TNFAIP8: variants seen among roughly 807,000 people sequenced by gnomAD.
The protein encoded by TNFAIP8 is TNF alpha induced protein 8.
Under a neutral mutation model 13.3 loss-of-function variants are expected in TNFAIP8, and 7 were observed. The observed-to-expected ratio is 0.52, with a 90% CI of 0.30 to 0.99. The LOEUF (loss-of-function observed/expected upper bound fraction) is 0.99, where lower values mean the gene tolerates loss of function less well. Among genes scored for constraint, TNFAIP8 ranks in the 50% least tolerant of loss-of-function variants. The pLI is 0.07. For missense variants in TNFAIP8, 258 were observed against 236.9 expected (o/e 1.09, Z -0.58); for synonymous variants, 94 against 87.6 (o/e 1.07, Z -0.41).
intron 1 of TNFAIP8, among the ~76,000 whole-genome samples, chr5:119,298,810 T>G (rs923439297): frequency 6.6e-6 from 1 of 152,118 alleles, no homozygotes; most frequent in African/African-American, 2.4e-5. Flanking sequence ...TCGTTTCTTT[T>G]TATTCTTTTT....
intron 1 of TNFAIP8, among the ~76,000 whole-genome samples, chr5:119,381,065 A>G (rs1056045323): frequency 2.0e-5 from 3 of 152,228 alleles, no homozygotes; most frequent in African/African-American, 7.2e-5. Context: ...TATCAGAATC[A>G]GGTAGGGTGC....
intron 1 of TNFAIP8, among the ~76,000 whole-genome samples, chr5:119,382,758 C>G (rs1752534297): frequency 6.6e-6 from 1 of 152,322 alleles, no homozygotes; most frequent in Admixed American, 6.5e-5. Flanking sequence ...GCCCCTGACC[C>G]AGTCTGACTC....
At chr5:119,331,862 G>A (rs1439748610) in intron 1 of TNFAIP8, among the ~76,000 whole-genome samples, 1 of 152,184 alleles carries the variant, frequency 6.6e-6, no homozygotes, top group Non-Finnish European at 1.5e-5. Flanking sequence ...TTTAGATGCA[G>A]TATTTCTGCT....
intron 1 of TNFAIP8, among the ~76,000 whole-genome samples, chr5:119,374,963 A>C (rs944886528): frequency 6.6e-6 from 1 of 152,218 alleles, no homozygotes; most frequent in African/African-American, 2.4e-5. Context: ...AGATAGTGGT[A>C]ATAGTTGCAC....
intron 1 of TNFAIP8, among the ~76,000 whole-genome samples, chr5:119,375,110 C>G (rs1201971015): frequency 6.6e-6 from 1 of 152,136 alleles, no homozygotes; most frequent in African/African-American, 2.4e-5. Flanking sequence ...AACATGTTGC[C>G]TGCCAAAAGT....
chr5:119,394,585 A>G lies in TNFAIP8; in HGVS notation c.*1204A>G, dbSNP rs1052952466. 7.0e-6 allele frequency: 1 copy of G among 142,676 alleles called. No homozygotes were observed. Among genetic ancestry groups the G allele is most frequent in the Non-Finnish European group, 1.5e-5 (1 of 67,002 alleles). 8.8% of individuals were successfully genotyped at this position (142,676 alleles called of 1,614,324 possible). On this transcript the variant is annotated 3_prime_UTR_variant, in exon 2 of 2. Transcript: ENST00000504771. ...TGACAGACCCAACCACCAGCAATAA[A>G]CATTTCCATTGTCACTGTGTCTATG...
chr5:119,393,439 T>C lies in TNFAIP8; in HGVS notation c.*58T>C. ...TTATTTGAAGATGGAGCACTGCTGATTTATGAAGGAAAAAAGAAGAATTTT... is the reference window on the plus strand; with the variant it reads ...TTATTTGAAGATGGAGCACTGCTGACTTATGAAGGAAAAAAGAAGAATTTT... On this transcript the variant is annotated 3_prime_UTR_variant, in exon 2 of 2. Transcript: ENST00000504771. The C allele has an allele frequency of 6.9e-7, 1 of 1,450,718 alleles. No homozygotes were observed. The highest frequency in any genetic ancestry group is 9.3e-7 in the Non-Finnish European group (1 of 1,071,018). The allele number at this position is 1,450,718 out of a possible 1,614,324, so 89.9% of individuals were successfully genotyped here.
At chr5:119,308,679 C>T (rs2012596) in intron 1 of TNFAIP8, among the ~76,000 whole-genome samples, 3,280 of 151,814 alleles carry the variant, frequency 0.022, 121 homozygotes, top group African/African-American at 0.076. Context: ...CCTTTCAGGA[C>T]GGTGAAACCC....
intron 1 of TNFAIP8, among the ~76,000 whole-genome samples, chr5:119,288,098 A>G (rs1187139445): frequency 6.6e-6 from 1 of 152,154 alleles, no homozygotes; most frequent in Non-Finnish European, 1.5e-5. Flanking sequence ...AAGAAAAAAC[A>G]GTAAGGTTAT....
At chr5:119,319,080 G>A (rs1364994484) in intron 1 of TNFAIP8, among the ~76,000 whole-genome samples, 1 of 152,130 alleles carries the variant, frequency 6.6e-6, no homozygotes, top group Admixed American at 6.5e-5. Flanking sequence ...CCTGGCTTTT[G>A]TAACTGTGCT....
chr5:119,279,951 A>G (rs537172509), intron 1 of TNFAIP8, among the ~76,000 whole-genome samples: 4 of 152,190 alleles, frequency 2.6e-5, no homozygotes, highest in Non-Finnish European at 5.9e-5. Context: ...CTGGGTCCCT[A>G]CACTTTTCCA....
intron 1 of TNFAIP8, among the ~76,000 whole-genome samples, chr5:119,380,699 A>G (rs1409535266): frequency 2.0e-5 from 3 of 152,256 alleles, no homozygotes; most frequent in African/African-American, 7.2e-5. Context: ...TGTATAAACA[A>G]TTGTAGGATA....
intron 1 of TNFAIP8, among the ~76,000 whole-genome samples, chr5:119,376,951 C>G (rs770133191): frequency 1.2e-4 from 19 of 152,206 alleles, no homozygotes; most frequent in Admixed American, 7.2e-4. Flanking sequence ...ATAGTTCCCC[C>G]TCCCATACAC....
chr5:119,306,622 C>T (rs1038628557), intron 1 of TNFAIP8: 3 of 152,150 alleles, frequency 2.0e-5, no homozygotes, highest in Admixed American at 6.5e-5. Flanking sequence ...CACATGCCAC[C>T]GTGCCTGGCC....
intron 1 of TNFAIP8, among the ~76,000 whole-genome samples, chr5:119,286,979 C>T (rs981403612): frequency 6.6e-6 from 1 of 152,150 alleles, no homozygotes; most frequent in Non-Finnish European, 1.5e-5. Flanking sequence ...ATTTCTAAAC[C>T]CTGCATTGTT....
chr5:119,342,933 G>T (rs1750789582), intron 1 of TNFAIP8, among the ~76,000 whole-genome samples: 1 of 152,194 alleles, frequency 6.6e-6, no homozygotes, highest in South Asian at 2.1e-4. Flanking sequence ...GGATTTATTA[G>T]TCTAAATATT....
At chr5:119,298,924 CAT>C (rs1312184134) in intron 1 of TNFAIP8, among the ~76,000 whole-genome samples, 4 of 152,242 alleles carry the variant, frequency 2.6e-5, no homozygotes, top group Non-Finnish European at 5.9e-5. Flanking sequence ...CTGCATTCTT[CAT>C]GTAGTTCTCA....
At chr5:119,351,794 TTC>T (rs773243321), upstream of TNFAIP8, among the ~76,000 whole-genome samples, 937 of 134,322 alleles carry the variant, frequency 7.0e-3, 24 homozygotes, top group South Asian at 0.041. Flanking sequence ...TTTTCTTTTT[TTC>T]TTTTTTTTTT....
At chr5:119,279,491 G>A (rs1748565113) in intron 1 of TNFAIP8, among the ~76,000 whole-genome samples, 1 of 152,198 alleles carries the variant, frequency 6.6e-6, no homozygotes, top group Admixed American at 6.5e-5. Flanking sequence ...TCTTGTATTT[G>A]TGAGAACCCA....
Sources: gnomAD v4.1 joint callset for allele counts (sites outside exome capture counted in the v4.1 genomes callset) on GRCh38, gnomAD v4.1.1 for gene constraint, MANE v1.5 for transcripts, NCBI Gene and HGNC (gene_info 2026-07-23, HGNC 2026-07-21) for gene names.